PUM2: variants seen among roughly 807,000 people sequenced by gnomAD.
The protein encoded by PUM2 is pumilio homolog 2.
In PUM2, 57 loss-of-function variants were observed where a neutral mutation model predicts 124.5. The observed-to-expected ratio is 0.46, with a 90% CI of 0.37 to 0.57. The LOEUF (loss-of-function observed/expected upper bound fraction) is 0.57, where lower values mean the gene tolerates loss of function less well. Ranked by LOEUF, PUM2 falls within the 20% of genes least tolerant of loss-of-function variation. The pLI is 0.00. For synonymous variants in PUM2, 460 were observed against 446.1 expected (o/e 1.03, Z -0.39); for missense variants, 1,065 against 1,290.6 (o/e 0.83, Z 2.68).
intron 2 of PUM2, among the ~76,000 whole-genome samples, chr2:20,322,958 T>G (rs1210609122): frequency 6.6e-6 from 1 of 152,230 alleles, no homozygotes; most frequent in East Asian, 1.9e-4. Flanking sequence ...TTTCATTTTC[T>G]CAAATCCTTG....
chr2:20,349,233 C>T (rs1464500900), intron 1 of PUM2, among the ~76,000 whole-genome samples: 1 of 152,140 alleles, frequency 6.6e-6, no homozygotes, highest in Non-Finnish European at 1.5e-5. Context: ...AATAGCTAGA[C>T]CTGTAAACAA....
chr2:20,343,391 C>T (rs941605265), intron 1 of PUM2, among the ~76,000 whole-genome samples: 1 of 151,850 alleles, frequency 6.6e-6, no homozygotes, highest in Admixed American at 6.6e-5. Flanking sequence ...TGCACTCCAG[C>T]CTGGATGACA....
At chr2:20,287,364 T>C (rs953996078) in intron 10 of PUM2, among the ~76,000 whole-genome samples, 7 of 152,130 alleles carry the variant, frequency 4.6e-5, no homozygotes, top group South Asian at 2.1e-4. Context: ...CTGGGAAAGA[T>C]TGAGGAAAGC....
At chr2:20,284,070 G>A (rs961040485) in intron 10 of PUM2, among the ~76,000 whole-genome samples, 1 of 152,204 alleles carries the variant, frequency 6.6e-6, no homozygotes, top group East Asian at 1.9e-4. Flanking sequence ...AAATAGTGGA[G>A]AATAAAGTTA....
At chr2:20,272,824 T>C (rs894359827) in intron 13 of PUM2, among the ~76,000 whole-genome samples, 1 of 152,202 alleles carries the variant, frequency 6.6e-6, no homozygotes, top group Non-Finnish European at 1.5e-5. Context: ...ATCTGTAACT[T>C]CCATCAGCAT....
rs931553410 is a variant in PUM2 at position 20,254,922 on chromosome 2, G to C, written c.2811C>G (p.Ser937Arg). The part of the protein sequence containing the change: ...VLEHGRPEDK[S>R]KIVSEIRGKV... Reference sequence around the variant, plus strand: ...TTCCCCTGATTTCGGAAACAATTTTGCTCTTGTCTTCAGGTCGACCGTGTT... The same window carrying C: ...TTCCCCTGATTTCGGAAACAATTTTCCTCTTGTCTTCAGGTCGACCGTGTT... Residue 937 changes from serine to arginine, a missense_variant, in exon 19 of 21, where the codon AGC becomes AGG. Coordinates refer to ENST00000361078, the MANE Select transcript of PUM2 (RefSeq NM_015317.5). 2 of 1,613,778 alleles carry C rather than the reference G, an allele frequency of 1.2e-6. No homozygotes were observed. Among genetic ancestry groups the C allele is most frequent in the Admixed American group, 1.7e-5 (1 of 59,996 alleles).
In PUM2 at chr2:20,265,890, C is replaced by T. The variant is rs564323964; in HGVS notation, c.1958-2430G>A. On this transcript the variant is annotated intron_variant, in intron 13 of 20. Coordinates refer to ENST00000361078, the MANE Select transcript of PUM2 (RefSeq NM_015317.5). ...ACACCCTTAATGCATTAAAGATTTT[C>T]GACACCAAATTCAAAATACGTACTC... is the stretch of plus-strand genomic sequence containing the variant. Among the ~76,000 whole-genome samples the T allele has an allele frequency of 1.3e-4, 20 of 152,168 alleles. No individual in the cohort carries two copies. In the South Asian group the frequency reaches 3.7e-3, roughly 28 times the overall value.
chr2:20,321,090 T>C (rs1682228756), intron 2 of PUM2, among the ~76,000 whole-genome samples: 1 of 152,204 alleles, frequency 6.6e-6, no homozygotes, highest in Non-Finnish European at 1.5e-5. Context: ...TTTGAGACTA[T>C]TCTGAAGTCT....
At position 20,250,538 on chromosome 2, in the gene PUM2, G is replaced by A. The variant is rs1663062618; in HGVS notation, c.*1047C>T. The A allele has an allele frequency of 6.6e-6, 1 of 152,208 alleles. No homozygotes were observed. Among genetic ancestry groups the A allele is most frequent in the African/African-American group, 2.4e-5 (1 of 41,432 alleles). The allele number at this position is 152,208 out of a possible 1,614,324, so 9.4% of individuals were successfully genotyped here. A position where few individuals can be genotyped will look rare whatever the true frequency, so the allele number is the denominator to read the frequency against. On this transcript the variant is annotated 3_prime_UTR_variant, in exon 21 of 21. Transcript: ENST00000361078. The stretch of plus-strand genomic sequence containing the variant: ...CATTGAAACAAGATTTCCTTTCAAA[G>A]TGTAAACTTACATCTATTACTACAC...
chr2:20,325,652 C>T (rs1361454669), intron 2 of PUM2, among the ~76,000 whole-genome samples: 5 of 145,824 alleles, frequency 3.4e-5, no homozygotes, highest in Admixed American at 6.9e-5. Flanking sequence ...GACGGAGTCT[C>T]GGTTTGTCCC....
At chr2:20,266,180 G>A (rs754576876) in intron 13 of PUM2, among the ~76,000 whole-genome samples, 7 of 152,020 alleles carry the variant, frequency 4.6e-5, no homozygotes, top group Non-Finnish European at 7.4e-5. Context: ...GGTGGCTCAC[G>A]CCTATAATCC....
chr2:20,313,289 A>C (rs1424025297), intron 3 of PUM2, among the ~76,000 whole-genome samples: 1 of 152,236 alleles, frequency 6.6e-6, no homozygotes, highest in East Asian at 1.9e-4. Context: ...AGAATTTGGG[A>C]GAAAACTTTT....
At position 20,338,265 on chromosome 2, in the gene PUM2, C is replaced by T. The variant is rs537956516; in HGVS notation, c.-18-10887G>A. Among the ~76,000 whole-genome samples the T allele has an allele frequency of 1.0e-3, 158 of 152,200 alleles. 1 individual carries two copies. The highest frequency in any genetic ancestry group is 3.7e-3 in the African/African-American group (153 of 41,540). ...CACAAAAATTAGCCGGGTATGGCAG[C>T]GTGTGCCTGTAATCTCAGCTACTCA... On this transcript the variant is annotated intron_variant, in intron 1 of 20. Coordinates refer to ENST00000361078, the MANE Select transcript of PUM2 (RefSeq NM_015317.5).
Position 20,308,464 on chromosome 2 carries a change from A to G in PUM2, c.639T>C (p.Val213=). ...GAGTTTCAGGATTTGAAAATTCTTC[A>G]ACAAGTGGTTTATTAGCTGTAGGAT... ...LPNPTANKPL[V]EEFSNPETQN... Residue 213 remains valine, a synonymous_variant, in exon 6 of 21, where the codon GTT becomes GTC. Transcript: ENST00000361078. 6.2e-7 allele frequency: 1 copy of G among 1,614,124 alleles called. No individual in the cohort carries two copies. The highest frequency in any genetic ancestry group is 1.1e-5 in the South Asian group (1 of 91,076).
At chr2:20,314,085 T>C (rs1680311548) in intron 3 of PUM2, among the ~76,000 whole-genome samples, 1 of 152,104 alleles carries the variant, frequency 6.6e-6, no homozygotes, top group South Asian at 2.1e-4. Context: ...GGTCAAGGCT[T>C]TGGTGAGCCG....
At chr2:20,319,628 T>A (rs6531229) in intron 2 of PUM2, among the ~76,000 whole-genome samples, 24,734 of 152,136 alleles carry the variant, frequency 0.16, 2,139 homozygotes, top group East Asian at 0.24. Flanking sequence ...TGGTCTGAGA[T>A]AAGATGTGTG....
chr2:20,270,392 A>G (rs1668748153), intron 13 of PUM2, among the ~76,000 whole-genome samples: 1 of 152,184 alleles, frequency 6.6e-6, no homozygotes, highest in South Asian at 2.1e-4. Context: ...CATGATTACT[A>G]AGGATTTATG....
At chr2:20,274,236 A>G (rs779660365) in intron 13 of PUM2, among the ~76,000 whole-genome samples, 60 of 152,186 alleles carry the variant, frequency 3.9e-4, no homozygotes, top group Admixed American at 3.3e-4. Flanking sequence ...ATCGAATGCT[A>G]TTCAGTTACA....
intron 2 of PUM2, among the ~76,000 whole-genome samples, chr2:20,320,514 T>C (rs1374447103): frequency 1.3e-5 from 2 of 152,118 alleles, no homozygotes; most frequent in East Asian, 1.9e-4. Context: ...CTGAATTACA[T>C]ATATTTTGCT....
Sources: allele counts gnomAD v4.1 joint callset (sites outside exome capture counted in the v4.1 genomes callset), GRCh38; gene constraint gnomAD v4.1.1; transcripts MANE v1.5; gene names NCBI Gene and HGNC (gene_info 2026-07-23, HGNC 2026-07-21).